AGBL4: variants seen among roughly 807,000 people sequenced by gnomAD.
AGBL4 encodes the protein cytosolic carboxypeptidase 6.
Under a neutral mutation model 66.4 loss-of-function variants are expected in AGBL4, and 58 were observed. The observed-to-expected ratio is 0.87, with a 90% CI of 0.71 to 1.09. The LOEUF (loss-of-function observed/expected upper bound fraction) is 1.09. Ranked by LOEUF, AGBL4 falls within the 50% of genes least tolerant of loss-of-function variation. AGBL4 has a pLI of 0.00. For missense variants in AGBL4, 579 were observed against 631.0 expected, an observed-to-expected ratio of 0.92 and a Z score of 0.88; for synonymous variants, 234 against 222.9, an observed-to-expected ratio of 1.05 and a Z score of -0.44.
intron 3 of AGBL4, chr1:49,266,048 A>G (rs1461371222): frequency 1.3e-5 from 2 of 152,174 alleles, no homozygotes; most frequent in Non-Finnish European, 2.9e-5. Flanking sequence ...CTTATCTATT[A>G]TAAGTTGATG....
intron 4 of AGBL4, among the ~76,000 whole-genome samples, chr1:49,055,467 A>T (rs1644292308): frequency 6.6e-6 from 1 of 152,086 alleles, no homozygotes; most frequent in Non-Finnish European, 1.5e-5. Context: ...ATGCCTTTTT[A>T]ATTTAAGTAT....
At position 50,023,775 on chromosome 1, in the gene AGBL4, C is replaced by T. The variant is rs1421660188; in HGVS notation, c.22G>A (p.Ala8Thr). 1.3e-6 allele frequency: 2 copies of T among 1,549,524 alleles called. No homozygotes were observed. The highest frequency in any genetic ancestry group is 2.5e-5 in the East Asian group (1 of 40,482). Residue 8 changes from alanine to threonine, a missense_variant, in exon 1 of 14, where the codon GCG becomes ACG. Coordinates refer to ENST00000371839, the MANE Select transcript of AGBL4 (RefSeq NM_032785.4). ...CGCCCCCACAGACCTGCCTCAGGCGCCGACTGGCTCCCCTCCGCCATTTTT... is the reference window on the plus strand; with the variant it reads ...CGCCCCCACAGACCTGCCTCAGGCGTCGACTGGCTCCCCTCCGCCATTTTT... The part of the protein sequence containing the change: MAEGSQS[A>T]PEAGNDMGND...
chr1:49,723,352 C>T (rs1398664726), intron 2 of AGBL4, among the ~76,000 whole-genome samples: 1 of 152,024 alleles, frequency 6.6e-6, no homozygotes, highest in African/African-American at 2.4e-5. Context: ...GCCAGCAAGC[C>T]TCCCATTCTC....
At chr1:49,922,924 A>T (rs1339198138) in intron 1 of AGBL4, among the ~76,000 whole-genome samples, 2 of 152,204 alleles carry the variant, frequency 1.3e-5, no homozygotes, top group African/African-American at 4.8e-5. Flanking sequence ...ATTCCTATTA[A>T]ATTAGCATTG....
intron 4 of AGBL4, among the ~76,000 whole-genome samples, chr1:49,138,573 G>A (rs576918514): frequency 6.6e-6 from 1 of 152,058 alleles, no homozygotes; most frequent in Non-Finnish European, 1.5e-5. Context: ...TGTAATTTTG[G>A]TTGTCAAAGG....
intron 3 of AGBL4, among the ~76,000 whole-genome samples, chr1:49,692,674 C>T (rs1311235470): frequency 8.7e-5 from 13 of 150,190 alleles, no homozygotes; most frequent in East Asian, 1.9e-4. Flanking sequence ...GCCAAGATCG[C>T]GCCACTGCAC....
chr1:49,314,604 C>A (rs1645004882), intron 3 of AGBL4, among the ~76,000 whole-genome samples: 2 of 152,072 alleles, frequency 1.3e-5, no homozygotes, highest in African/African-American at 4.8e-5. Context: ...TGTATATGTG[C>A]CACACTTTCT....
At chr1:49,552,974 C>G (rs1258790713) in intron 3 of AGBL4, among the ~76,000 whole-genome samples, 1 of 152,028 alleles carries the variant, frequency 6.6e-6, no homozygotes, top group Non-Finnish European at 1.5e-5. Context: ...CACTAGAATA[C>G]AAAGATTAAT....
chr1:49,849,431 T>G (rs1197543025), intron 2 of AGBL4, among the ~76,000 whole-genome samples: 4 of 143,782 alleles, frequency 2.8e-5, no homozygotes, highest in East Asian at 2.0e-4. Flanking sequence ...TTATTATTAT[T>G]ATGTATATTC....
At chr1:49,708,052 G>A (rs904140891) in intron 2 of AGBL4, among the ~76,000 whole-genome samples, 2 of 152,180 alleles carry the variant, frequency 1.3e-5, no homozygotes, top group East Asian at 3.9e-4. Flanking sequence ...TTCTTGAGAA[G>A]TATCTTTGTG....
intron 5 of AGBL4, among the ~76,000 whole-genome samples, chr1:49,029,930 G>A (rs1664068179): frequency 6.6e-6 from 1 of 152,116 alleles, no homozygotes; most frequent in African/African-American, 2.4e-5. Flanking sequence ...GTGGGGGAAA[G>A]AACAATTTTT....
rs138789226 is a variant in AGBL4 at position 49,469,382 on chromosome 1, T to G, written c.283-223518A>C. Among the ~76,000 whole-genome samples, 1,218 of 151,962 alleles carry G rather than the reference T, an allele frequency of 8.0e-3. 12 individuals carry two copies. The highest frequency in any genetic ancestry group is 0.031 in the Middle Eastern group (9 of 294). ...GTGTTTAGGATTGTATCTTTCAGGA[T>G]TATGATCAGCTCCTTCAGTCTCCTT... On this transcript the variant is annotated intron_variant, in intron 3 of 13. Coordinates refer to ENST00000371839, the MANE Select transcript of AGBL4 (RefSeq NM_032785.4).
chr1:49,619,538 T>G (rs1282598625), intron 3 of AGBL4, among the ~76,000 whole-genome samples: 1 of 152,142 alleles, frequency 6.6e-6, no homozygotes, highest in Non-Finnish European at 1.5e-5. Context: ...AAAATGGCCA[T>G]AGTGCCCAAA....
At position 49,832,620 on chromosome 1, in the gene AGBL4, A is replaced by C. The variant is rs1203749492; in HGVS notation, c.157+18776T>G. On this transcript the variant is annotated intron_variant, in intron 2 of 13. Coordinates refer to ENST00000371839, the MANE Select transcript of AGBL4 (RefSeq NM_032785.4). Reference sequence around the variant, plus strand: ...TAGTTTACAGTCCCACCAAGAGTGTAAAAGTGTTCCTATTTCTCCACATCC... The same window carrying C: ...TAGTTTACAGTCCCACCAAGAGTGTCAAAGTGTTCCTATTTCTCCACATCC... Among the ~76,000 whole-genome samples, 583 of 151,556 alleles carry C rather than the reference A, an allele frequency of 3.8e-3. 3 individuals carry two copies. Among genetic ancestry groups the C allele is most frequent in the Admixed American group, 6.3e-3 (96 of 15,222 alleles).
At chr1:48,701,967 C>T (rs144232228) in intron 6 of AGBL4, among the ~76,000 whole-genome samples, 284 of 152,276 alleles carry the variant, frequency 1.9e-3, no homozygotes, top group Middle Eastern at 3.4e-3. Context: ...TTTAACATGG[C>T]ATCTCCCATC....
At chr1:49,936,107 T>A (rs1217382097) in intron 1 of AGBL4, among the ~76,000 whole-genome samples, 2 of 152,134 alleles carry the variant, frequency 1.3e-5, no homozygotes, top group Admixed American at 1.3e-4. Context: ...TAGATGAATG[T>A]ATAACTAGAA....
chr1:49,183,094 A>C (rs1646956938), intron 4 of AGBL4, among the ~76,000 whole-genome samples: 1 of 152,164 alleles, frequency 6.6e-6, no homozygotes, highest in South Asian at 2.1e-4. Flanking sequence ...AATCAAATGT[A>C]GTGAGTGATT....
chr1:49,266,782 T>C (rs1402620400), intron 3 of AGBL4, among the ~76,000 whole-genome samples: 1 of 152,126 alleles, frequency 6.6e-6, no homozygotes, highest in Non-Finnish European at 1.5e-5. Context: ...TGGGGCTGGG[T>C]AGGGCAAGAG....
At chr1:49,344,355 G>A (rs1056745210) in intron 3 of AGBL4, among the ~76,000 whole-genome samples, 4 of 152,126 alleles carry the variant, frequency 2.6e-5, no homozygotes, top group African/African-American at 9.7e-5. Flanking sequence ...AGTTTTACAT[G>A]TAAGGTGTAT....
Sources: gnomAD v4.1 joint callset for allele counts (sites outside exome capture counted in the v4.1 genomes callset) on GRCh38, gnomAD v4.1.1 for gene constraint, MANE v1.5 for transcripts, NCBI Gene and HGNC (gene_info 2026-07-23, HGNC 2026-07-21) for gene names.